The following UCHL3 variants were observed in gnomAD, a reference collection of about 807,000 sequenced individuals.
UCHL3 encodes ubiquitin C-terminal hydrolase L3.
In UCHL3, 22 loss-of-function variants were observed where a neutral mutation model predicts 35.8. The observed-to-expected ratio is 0.61, with a 90% CI of 0.44 to 0.88. The LOEUF (loss-of-function observed/expected upper bound fraction) is 0.88. Ranked by LOEUF, UCHL3 falls within the 40% of genes least tolerant of loss-of-function variation. The pLI, the probability that UCHL3 is intolerant of heterozygous loss-of-function variation, is 0.00. For missense variants in UCHL3, 229 were observed against 276.9 expected, an observed-to-expected ratio of 0.83 and a Z score of 1.23; for synonymous variants, 90 against 92.8, an observed-to-expected ratio of 0.97 and a Z score of 0.17.
chr13:75,590,356 C>T (rs2032449308), intron 6 of UCHL3, among the ~76,000 whole-genome samples: 2 of 152,132 alleles, frequency 1.3e-5, no homozygotes, highest in African/African-American at 2.4e-5. Flanking sequence ...GCCAACATAA[C>T]GGCACCTGCC....
intron 7 of UCHL3, among the ~76,000 whole-genome samples, chr13:75,599,081 G>C (rs1566231525): frequency 6.6e-6 from 1 of 151,132 alleles, no homozygotes; most frequent in Non-Finnish European, 1.5e-5. Context: ...CAATCCCCTT[G>C]TCACAGCCTC....
At chr13:75,569,920 A>G (rs946289713) in intron 6 of UCHL3, among the ~76,000 whole-genome samples, 4 of 152,224 alleles carry the variant, frequency 2.6e-5, no homozygotes, top group African/African-American at 9.6e-5. Flanking sequence ...TCTTTGCTCA[A>G]TAAATTTGTT....
At chr13:75,586,300 C>T (rs1232259495) in intron 6 of UCHL3, among the ~76,000 whole-genome samples, 1 of 151,962 alleles carries the variant, frequency 6.6e-6, no homozygotes, top group African/African-American at 2.4e-5. Context: ...AAGAGGTTAT[C>T]TCACCAAGAA....
intron 7 of UCHL3, among the ~76,000 whole-genome samples, chr13:75,603,400 CAGG>C (rs2032834887): frequency 6.6e-6 from 1 of 152,068 alleles, no homozygotes. Context: ...GAAGCTGAGG[CAGG>C]AGGATTGCTT....
At position 75,592,452 on chromosome 13, in the gene UCHL3, A is replaced by ATATATATATATATG. The variant is rs1566228186; in HGVS notation, c.475-2450_475-2449insGTATATATATATAT. Among the ~76,000 whole-genome samples the ATATATATATATATG allele has an allele frequency of 4.1e-4, 47 of 114,828 alleles. 1 individual carries two copies. The highest frequency in any genetic ancestry group is 1.4e-3 in the African/African-American group (45 of 31,300). 75.3% of individuals were successfully genotyped at this position (114,828 alleles called of 152,430 possible). Reference sequence around the variant, plus strand: ...TATATATATATATATATATATATATATATATATATATATATGAAGGAAAAA... The same window carrying ATATATATATATATG: ...TATATATATATATATATATATATATATATATATATATATGTATATATATATATATGAAGGAAAAA... On this transcript the variant is annotated intron_variant, in intron 6 of 8. Coordinates refer to ENST00000377595, the MANE Select transcript of UCHL3 (RefSeq NM_006002.5).
chr13:75,571,801 T>C (rs577321182), intron 6 of UCHL3, among the ~76,000 whole-genome samples: 1 of 152,278 alleles, frequency 6.6e-6, no homozygotes, highest in African/African-American at 2.4e-5. Flanking sequence ...TCTTTTCTGC[T>C]CCTTTCCCAT....
intron 2 of UCHL3, among the ~76,000 whole-genome samples, chr13:75,556,904 G>A (rs867304507): frequency 5.3e-5 from 8 of 152,198 alleles, no homozygotes; most frequent in Admixed American, 2.0e-4. Context: ...CCTCCCAGAC[G>A]TAGTTTTCTT....
chr13:75,584,573 TCA>T (rs961279721), intron 6 of UCHL3, among the ~76,000 whole-genome samples: 1 of 152,166 alleles, frequency 6.6e-6, no homozygotes, highest in Non-Finnish European at 1.5e-5. Flanking sequence ...ATATTATTTA[TCA>T]CAGTCTCTAT....
At chr13:75,582,327 C>T (rs1286966110) in intron 6 of UCHL3, among the ~76,000 whole-genome samples, 1 of 152,136 alleles carries the variant, frequency 6.6e-6, no homozygotes, top group Non-Finnish European at 1.5e-5. Context: ...TAAAATTCCT[C>T]AGGTTTCTGA....
At chr13:75,597,237 A>G (rs567989951) in intron 7 of UCHL3, among the ~76,000 whole-genome samples, 2 of 152,328 alleles carry the variant, frequency 1.3e-5, no homozygotes, top group South Asian at 4.1e-4. Flanking sequence ...GTGTTCCTGT[A>G]GTCCCACTTT....
At chr13:75,556,164 G>T (rs775532072) in intron 2 of UCHL3, among the ~76,000 whole-genome samples, 3 of 152,114 alleles carry the variant, frequency 2.0e-5, no homozygotes, top group Non-Finnish European at 4.4e-5. Flanking sequence ...AACTAACATT[G>T]TATCACCTTT....
chr13:75,582,805 T>C (rs1214493244), intron 6 of UCHL3, among the ~76,000 whole-genome samples: 2 of 152,242 alleles, frequency 1.3e-5, no homozygotes, highest in East Asian at 1.9e-4. Flanking sequence ...ATTTAAAAGT[T>C]GGTGTATGTA....
chr13:75,600,562 GTATATCTATT>G (rs558578004), intron 7 of UCHL3, among the ~76,000 whole-genome samples: 1 of 152,314 alleles, frequency 6.6e-6, no homozygotes, highest in Non-Finnish European at 1.5e-5. Context: ...CGGGATGATA[GTATATCTATT>G]TATAGCCTGG....
chr13:75,558,482 A>T (rs1353909619), intron 2 of UCHL3, among the ~76,000 whole-genome samples: 1 of 152,210 alleles, frequency 6.6e-6, no homozygotes, highest in Non-Finnish European at 1.5e-5. Context: ...ATCGTGTTTT[A>T]TAACTTTATA....
chr13:75,595,834 G>A (rs1374957914), intron 7 of UCHL3, among the ~76,000 whole-genome samples: 1 of 150,778 alleles, frequency 6.6e-6, no homozygotes, highest in Non-Finnish European at 1.5e-5. Flanking sequence ...TTCATGGCAT[G>A]TTGGAGGAGA....
chr13:75,592,427 T>TACATATATAC (rs2032508214), intron 6 of UCHL3, among the ~76,000 whole-genome samples: 2 of 72,404 alleles, frequency 2.8e-5, no homozygotes, highest in Non-Finnish European at 5.9e-5. Flanking sequence ...TATATATATA[T>TACATATATAC]ATATATATAT....
chr13:75,598,170 G>A (rs1460224124), intron 7 of UCHL3, among the ~76,000 whole-genome samples: 2 of 152,136 alleles, frequency 1.3e-5, no homozygotes, highest in Non-Finnish European at 2.9e-5. Flanking sequence ...TAAGATGTTT[G>A]TAGAAGTTAC....
intron 6 of UCHL3, among the ~76,000 whole-genome samples, chr13:75,581,407 T>C (rs996471465): frequency 1.3e-5 from 2 of 149,898 alleles, no homozygotes; most frequent in Non-Finnish European, 3.0e-5. Flanking sequence ...GGCAGTGCAG[T>C]GGGTCGATCT....
chr13:75,566,184 G>A (rs1048919587), intron 3 of UCHL3, among the ~76,000 whole-genome samples: 11 of 152,146 alleles, frequency 7.2e-5, no homozygotes, highest in African/African-American at 2.7e-4. Context: ...ACTTTCCAAT[G>A]TGTATATACA....
Sources: allele counts gnomAD v4.1 joint callset (sites outside exome capture counted in the v4.1 genomes callset), GRCh38; gene constraint gnomAD v4.1.1; transcripts MANE v1.5; gene names NCBI Gene and HGNC (gene_info 2026-07-23, HGNC 2026-07-21).